The following TEX11 variants were observed in gnomAD, a reference collection of about 807,000 sequenced individuals.
TEX11 encodes the protein testis expressed 11, also known as testis-expressed protein 11.
In TEX11, 7 loss-of-function variants were observed where a neutral mutation model predicts 84.4. The observed-to-expected ratio is 0.08, with a 90% confidence interval of 0.05 to 0.16. The LOEUF (loss-of-function observed/expected upper bound fraction) is 0.16, where lower values mean the gene tolerates loss of function less well. Ranked by LOEUF, TEX11 falls within the 10% of genes least tolerant of loss-of-function variation. TEX11 has a pLI of 1.00. For missense variants in TEX11, 551 were observed against 660.5 expected (o/e 0.83, Z 1.82); for synonymous variants, 264 against 222.8 (o/e 1.18, Z -1.64).
intron 17 of TEX11, among the ~76,000 whole-genome samples, chrX:70,631,755 A>G (rs763690552): frequency 5.5e-3 from 396 of 72,437 alleles, no homozygotes; most frequent in Non-Finnish European, 8.9e-3. Context: ...AGTTCACTGT[A>G]AAAGAACTGT....
intron 9 of TEX11, among the ~76,000 whole-genome samples, chrX:70,763,510 G>A (rs1602108167): frequency 9.1e-6 from 1 of 110,326 alleles, no homozygotes; most frequent in East Asian, 2.8e-4. Flanking sequence ...CTGCTTAGGT[G>A]TCGGGTATGC....
intron 2 of TEX11, chrX:70,897,687 GAA>G (rs777694455): frequency 3.0e-5 from 1 of 33,827 alleles, no homozygotes; most frequent in Non-Finnish European, 7.1e-5. Context: ...GAAAAAGAAA[GAA>G]AGAAAGAAAG....
intron 9 of TEX11, among the ~76,000 whole-genome samples, chrX:70,778,879 C>T (rs182637098): frequency 9.0e-6 from 1 of 110,740 alleles, no homozygotes; most frequent in East Asian, 2.8e-4. Context: ...AAACACCATG[C>T]TCATGAACAA....
chrX:70,645,871 A>G (rs911687827), intron 17 of TEX11, among the ~76,000 whole-genome samples: 2 of 111,193 alleles, frequency 1.8e-5, no homozygotes, highest in Non-Finnish European at 3.8e-5. Flanking sequence ...ATGCAATGCA[A>G]TCCCTATTAA....
At chrX:70,780,802 G>T (rs1310979088) in intron 9 of TEX11, among the ~76,000 whole-genome samples, 1 of 112,501 alleles carries the variant, frequency 8.9e-6, no homozygotes, top group Admixed American at 9.4e-5. Flanking sequence ...AAAGCGGCTG[G>T]GAAGCTCAAG....
At chrX:70,634,560 G>T (rs1344655032) in intron 17 of TEX11, among the ~76,000 whole-genome samples, 3 of 111,052 alleles carry the variant, frequency 2.7e-5, no homozygotes, top group Non-Finnish European at 3.8e-5. Flanking sequence ...ATAGCGTAAG[G>T]ATGGATGAAT....
chrX:70,685,627 A>G (rs1324389532), intron 13 of TEX11, among the ~76,000 whole-genome samples: 4 of 112,193 alleles, frequency 3.6e-5, no homozygotes, highest in Non-Finnish European at 7.5e-5. Context: ...ATGTCAAACT[A>G]AAAAGCTTCT....
intron 13 of TEX11, among the ~76,000 whole-genome samples, chrX:70,715,660 C>A (rs1433870794): frequency 8.9e-6 from 1 of 111,947 alleles, no homozygotes; most frequent in African/African-American, 3.2e-5. Context: ...TTAAGGACTT[C>A]TCTGCATTGG....
intron 17 of TEX11, among the ~76,000 whole-genome samples, chrX:70,641,199 A>G (rs1408128754): frequency 1.8e-5 from 2 of 111,829 alleles, no homozygotes; most frequent in East Asian, 2.8e-4. Flanking sequence ...AAAGGGATCA[A>G]TTCAACAAGA....
At position 70,671,880 on chromosome X, in the gene TEX11, GATATATATAT is replaced by G. The variant is rs67645855; in HGVS notation, c.1243-1376_1243-1367del. On this transcript the variant is annotated intron_variant, in intron 15 of 29. Transcript: ENST00000374333. ...AATATTTAAACTGTACAATTGTTTT[GATATATATAT>G]ATATATATATATATATATATACACA... 1.7e-3 allele frequency among the ~76,000 whole-genome samples: 113 copies of G among 66,340 alleles called. 1 individual carries two copies. Among genetic ancestry groups the G allele is most frequent in the African/African-American group, 5.6e-3 (105 of 18,800 alleles). 57.6% of individuals were successfully genotyped at this position (66,340 alleles called of 115,157 possible). A position where few individuals can be genotyped will look rare whatever the true frequency, so the allele number is the denominator to read the frequency against.
chrX:70,758,131 T>G (rs1270424676), intron 9 of TEX11, among the ~76,000 whole-genome samples: 1 of 111,714 alleles, frequency 9.0e-6, no homozygotes, highest in East Asian at 2.8e-4. Context: ...AAGCAAGTCC[T>G]TAGAGACCTA....
chrX:70,621,520 CAAAAAAAAAAAAAAAAAA>C (rs1159445117), intron 20 of TEX11, among the ~76,000 whole-genome samples: 1 of 14,939 alleles, frequency 6.7e-5, no homozygotes, highest in African/African-American at 3.9e-4. Flanking sequence ...AACTCGGTCT[CAAAAAAAAAAAAAAAAAA>C]AAAAAAAAAA....
At chrX:70,796,147 C>A (rs2091154682) in intron 9 of TEX11, among the ~76,000 whole-genome samples, 1 of 111,264 alleles carries the variant, frequency 9.0e-6, no homozygotes, top group Non-Finnish European at 1.9e-5. Context: ...ATATATCTAA[C>A]AAAGTGATTG....
chrX:70,812,939 A>C (rs1380249374), intron 8 of TEX11, among the ~76,000 whole-genome samples: 2 of 111,612 alleles, frequency 1.8e-5, no homozygotes, highest in Non-Finnish European at 3.8e-5. Context: ...AGGCTCTAAA[A>C]TTGAGGCAAT....
At chrX:70,858,892 G>C (rs910952516) in intron 5 of TEX11, among the ~76,000 whole-genome samples, 1 of 110,216 alleles carries the variant, frequency 9.1e-6, no homozygotes, top group Admixed American at 9.7e-5. Flanking sequence ...ACAAAAATTA[G>C]CTGGGTGTGG....
At chrX:70,712,927 T>C (rs896375612) in intron 13 of TEX11, among the ~76,000 whole-genome samples, 4 of 111,518 alleles carry the variant, frequency 3.6e-5, no homozygotes, top group Non-Finnish European at 7.5e-5. Flanking sequence ...GGCTGTGGGT[T>C]TGTCATAGAT....
chrX:70,733,529 A>C (rs1409631629), intron 11 of TEX11, among the ~76,000 whole-genome samples: 3 of 111,739 alleles, frequency 2.7e-5, no homozygotes, highest in African/African-American at 9.8e-5. Context: ...AGACATTTAT[A>C]CAGCCAAAAA....
At chrX:70,601,819 C>T (rs755407056) in intron 24 of TEX11, among the ~76,000 whole-genome samples, 10 of 103,632 alleles carry the variant, frequency 9.6e-5, no homozygotes, top group African/African-American at 2.8e-4. Context: ...CCTGAGTGGA[C>T]ACAGCACATG....
chrX:70,884,441 T>C (rs967167242), intron 2 of TEX11, among the ~76,000 whole-genome samples: 5 of 111,626 alleles, frequency 4.5e-5, no homozygotes, highest in African/African-American at 1.6e-4. Context: ...CACTACACTA[T>C]AGCTCTGATT....
Sources: gnomAD v4.1 joint callset for allele counts (sites outside exome capture counted in the v4.1 genomes callset) on GRCh38, gnomAD v4.1.1 for gene constraint, MANE v1.5 for transcripts, NCBI Gene and HGNC (gene_info 2026-07-23, HGNC 2026-07-21) for gene names.